ASIC2: variants seen among roughly 807,000 people sequenced by gnomAD.
ASIC2 encodes the protein acid-sensing ion channel 2.
Under a neutral mutation model 57.3 loss-of-function variants are expected in ASIC2, and 25 were observed. The observed-to-expected ratio is 0.44, with a 90% CI of 0.32 to 0.61. ASIC2 has a LOEUF of 0.61. ASIC2 is among the 20% of genes least tolerant of loss of function. ASIC2 has a pLI of 0.06. For synonymous variants in ASIC2, 319 were observed against 307.5 expected, an observed-to-expected ratio of 1.04 and a Z score of -0.39; for missense variants, 641 against 738.1, an observed-to-expected ratio of 0.87 and a Z score of 1.52.
intron 1 of ASIC2, chr17:33,680,909 G>A (rs901587281): frequency 6.6e-6 from 1 of 152,174 alleles, no homozygotes; most frequent in Admixed American, 6.5e-5. Flanking sequence ...TTTAAGAAGG[G>A]CTCCCAAATT....
chr17:33,966,364 G>A (rs1274661402), intron 1 of ASIC2, among the ~76,000 whole-genome samples: 1 of 152,154 alleles, frequency 6.6e-6, no homozygotes, highest in Non-Finnish European at 1.5e-5. Flanking sequence ...TAACGTCTCT[G>A]AGCATCCCAT....
intron 1 of ASIC2, among the ~76,000 whole-genome samples, chr17:33,512,395 AGCC>A (rs1914454579): frequency 6.6e-6 from 1 of 152,228 alleles, no homozygotes; most frequent in Admixed American, 6.5e-5. Context: ...AGCTGTAGGC[AGCC>A]TGTCCCTTAG....
chr17:34,035,387 T>C lies in ASIC2; in HGVS notation c.555+120591A>G, dbSNP rs1409224135. ...ACCTTATACAAAAATCAATTCAAGA[T>C]GGATTAAAGACTTAAACGTTAGACC... On this transcript the variant is annotated intron_variant, in intron 1 of 9. Transcript: ENST00000359872. 1.1e-4 allele frequency among the ~76,000 whole-genome samples: 16 copies of C among 146,558 alleles called. No individual in the cohort carries two copies. In the East Asian group the frequency reaches 2.3e-3, roughly 22 times the overall value.
At chr17:33,162,386 C>T (rs1051650429) in intron 1 of ASIC2, among the ~76,000 whole-genome samples, 16 of 152,178 alleles carry the variant, frequency 1.1e-4, no homozygotes, top group African/African-American at 3.4e-4. Context: ...TCTGCCCCAC[C>T]CCAGAAAGGT....
intron 1 of ASIC2, among the ~76,000 whole-genome samples, chr17:33,711,836 G>A (rs1440361630): frequency 6.6e-6 from 1 of 152,126 alleles, no homozygotes; most frequent in African/African-American, 2.4e-5. Context: ...AATTCAACAT[G>A]AGATTTGGGT....
At chr17:33,819,601 A>T (rs1378933785) in intron 1 of ASIC2, among the ~76,000 whole-genome samples, 1 of 152,212 alleles carries the variant, frequency 6.6e-6, no homozygotes, top group Non-Finnish European at 1.5e-5. Flanking sequence ...GCTAAGTGCA[A>T]CATCAGGGAT....
intron 1 of ASIC2, among the ~76,000 whole-genome samples, chr17:34,143,695 C>A (rs979301290): frequency 6.6e-6 from 1 of 152,086 alleles, no homozygotes; most frequent in Non-Finnish European, 1.5e-5. Flanking sequence ...GAACACTGGG[C>A]GTCAAACTTG....
chr17:33,888,348 G>A (rs1005348750), intron 1 of ASIC2, among the ~76,000 whole-genome samples: 1 of 152,110 alleles, frequency 6.6e-6, no homozygotes, highest in Non-Finnish European at 1.5e-5. Context: ...AAGCTCACAT[G>A]GCTGGAATAT....
chr17:33,017,754 T>C, intron 7 of ASIC2, 70 bp from the exon 8 acceptor site: 4 of 1,447,196 alleles, frequency 2.8e-6, no homozygotes, highest in Non-Finnish European at 3.9e-6. Flanking sequence ...CAGACTGAGA[T>C]GCAACCCAGA....
Position 33,313,327 on chromosome 17 carries a change from G to GA in ASIC2, c.556-201261dup, listed in dbSNP as rs761725027. On this transcript the variant is annotated intron_variant, in intron 1 of 9. Transcript: ENST00000359872. ...TGGGAAACAGAGCGAAACCCTGTTTGAAAAAAAAAAAAGAAAGAAGGAGAA... is the reference window on the plus strand; with the variant it reads ...TGGGAAACAGAGCGAAACCCTGTTTGAAAAAAAAAAAAAGAAAGAAGGAGAA... Among the ~76,000 whole-genome samples, 557 of 138,960 alleles carry GA rather than the reference G, an allele frequency of 4.0e-3. 3 individuals are homozygous for GA. The highest frequency in any genetic ancestry group is 0.011 in the African/African-American group (421 of 37,918). 91.2% of individuals were successfully genotyped at this position (138,960 alleles called of 152,430 possible). A position where few individuals can be genotyped will look rare whatever the true frequency, so the allele number is the denominator to read the frequency against.
At chr17:33,570,297 G>C (rs1567654013) in intron 1 of ASIC2, among the ~76,000 whole-genome samples, 1 of 152,252 alleles carries the variant, frequency 6.6e-6, no homozygotes. Context: ...ATCTAGCCTT[G>C]AGCCCATCAG....
chr17:33,825,035 C>T (rs1344533708), intron 1 of ASIC2, among the ~76,000 whole-genome samples: 1 of 152,190 alleles, frequency 6.6e-6, no homozygotes, highest in Non-Finnish European at 1.5e-5. Flanking sequence ...TCGCTCTCTA[C>T]TTCTATCTCT....
At chr17:33,529,970 T>C (rs976745929) in intron 1 of ASIC2, 6 of 152,256 alleles carry the variant, frequency 3.9e-5, no homozygotes, top group Non-Finnish European at 7.3e-5. Context: ...AAGCCATTTT[T>C]ATGTCTCTCA....
At chr17:33,925,018 A>C (rs1915795128) in intron 1 of ASIC2, among the ~76,000 whole-genome samples, 3 of 152,218 alleles carry the variant, frequency 2.0e-5, no homozygotes, top group Admixed American at 2.0e-4. Context: ...TACTCAGCTG[A>C]GCAGAAGAAC....
intron 1 of ASIC2, among the ~76,000 whole-genome samples, chr17:33,830,720 CT>C (rs1414757512): frequency 6.6e-6 from 1 of 152,022 alleles, no homozygotes; most frequent in Admixed American, 6.6e-5. Flanking sequence ...CCCTTGCCCC[CT>C]ACCCTCCGAC....
rs10645495 is a variant in ASIC2, at chr17:33,917,855, T to TACACAC, written c.555+238117_555+238122dup. On this transcript the variant is annotated intron_variant, in intron 1 of 9. Coordinates refer to the ASIC2 transcript ENST00000359872. ...TAGCTTACCAGACCATAAAGCCCGG[T>TACACAC]ACACACACACACACACACACACACA... 2.4e-3 allele frequency among the ~76,000 whole-genome samples: 330 copies of TACACAC among 139,166 alleles called. 10 individuals carry two copies. Among genetic ancestry groups the TACACAC allele is most frequent in the African/African-American group, 8.5e-3 (308 of 36,146 alleles). The allele number at this position is 139,166 out of a possible 152,430, so 91.3% of individuals were successfully genotyped here. A position where few individuals can be genotyped will look rare whatever the true frequency, so the allele number is the denominator to read the frequency against.
chr17:33,199,859 A>G (rs967141024), intron 1 of ASIC2, among the ~76,000 whole-genome samples: 1 of 152,140 alleles, frequency 6.6e-6, no homozygotes, highest in Admixed American at 6.5e-5. Flanking sequence ...ACATGAGAAC[A>G]GTCTTTCAGT....
chr17:33,571,574 C>T (rs969236250), intron 1 of ASIC2, among the ~76,000 whole-genome samples: 1 of 152,158 alleles, frequency 6.6e-6, no homozygotes, highest in Non-Finnish European at 1.5e-5. Flanking sequence ...TTATTTAGGA[C>T]AATTTATTCA....
At chr17:33,149,855 C>T (rs1035251211) in intron 1 of ASIC2, among the ~76,000 whole-genome samples, 19 of 151,796 alleles carry the variant, frequency 1.3e-4, no homozygotes, top group Middle Eastern at 6.8e-3. Context: ...TTATTTTTGT[C>T]TTTCCCACCT....
Sources: allele counts gnomAD v4.1 joint callset (sites outside exome capture counted in the v4.1 genomes callset), GRCh38; gene constraint gnomAD v4.1.1; transcripts MANE v1.5; gene names NCBI Gene and HGNC (gene_info 2026-07-23, HGNC 2026-07-21).